Variants in MREG observed in about 807,000 individuals in gnomAD.
MREG encodes melanoregulin.
MREG carries 31 observed loss-of-function variants against 28.5 expected under a neutral mutation model. The observed-to-expected ratio is 1.09, with a 90% CI of 0.82 to 1.47. MREG has a LOEUF of 1.47. MREG is among the 40% of genes most tolerant of loss of function. The probability of loss-of-function intolerance (pLI) is 0.00; values close to 1 mark genes in which losing one functional copy is unlikely to be tolerated. For missense variants in MREG, 256 were observed against 257.4 expected, an observed-to-expected ratio of 0.99 and a Z score of 0.04; for synonymous variants, 106 against 95.2, an observed-to-expected ratio of 1.11 and a Z score of -0.66.
intron 2 of MREG, among the ~76,000 whole-genome samples, chr2:215,987,462 G>A (rs1039910339): frequency 6.6e-6 from 1 of 151,986 alleles, no homozygotes; most frequent in South Asian, 2.1e-4. Flanking sequence ...GGTCAGGCTA[G>A]TCTCAAACTC....
intron 2 of MREG, among the ~76,000 whole-genome samples, chr2:215,968,140 C>A (rs1267382511): frequency 1.3e-5 from 2 of 152,104 alleles, no homozygotes; most frequent in Non-Finnish European, 2.9e-5. Context: ...AGAAAACAGG[C>A]CCAGAGAGGT....
chr2:215,980,511 C>T (rs1234906079), intron 2 of MREG, among the ~76,000 whole-genome samples: 1 of 152,188 alleles, frequency 6.6e-6, no homozygotes, highest in Non-Finnish European at 1.5e-5. Flanking sequence ...GGTTTACATC[C>T]CTCAGGATGA....
At position 215,949,063 on chromosome 2, in the gene MREG, C is replaced by A. The variant is rs187889982; in HGVS notation, c.256-1950G>T. ...ACTACTACTACTACTACTACTACTACTACTACTACTACTACTACTACTACT... is the reference window on the plus strand; with the variant it reads ...ACTACTACTACTACTACTACTACTAATACTACTACTACTACTACTACTACT... On this transcript the variant is annotated intron_variant, in intron 2 of 4. Transcript: ENST00000263268. 2.1e-3 allele frequency among the ~76,000 whole-genome samples: 286 copies of A among 139,178 alleles called. 3 individuals carry two copies. The highest frequency in any genetic ancestry group is 6.2e-3 in the African/African-American group (235 of 38,016). 91.3% of individuals were successfully genotyped at this position (139,178 alleles called of 152,430 possible).
chr2:216,022,118 G>T (rs1009537556), intron 1 of MREG, among the ~76,000 whole-genome samples: 1 of 152,098 alleles, frequency 6.6e-6, no homozygotes, highest in Admixed American at 6.5e-5. Flanking sequence ...GTGGTGGCTG[G>T]CTGGCACCTG....
rs143806765 is a variant in MREG, at chr2:215,975,008, T to TTTTATATATATATATATA, written c.255+21297_255+21298insTATATATATATATATAAA. 2.3e-3 allele frequency among the ~76,000 whole-genome samples: 248 copies of TTTTATATATATATATATA among 106,618 alleles called. 4 individuals are homozygous for TTTTATATATATATATATA. Among genetic ancestry groups the TTTTATATATATATATATA allele is most frequent in the Admixed American group, 3.9e-3 (35 of 8,882 alleles). The allele number at this position is 106,618 out of a possible 152,430, so 69.9% of individuals were successfully genotyped here. A position where few individuals can be genotyped will look rare whatever the true frequency, so the allele number is the denominator to read the frequency against. ...GGGAGAGAATTTTATTTTATATGAATTATATATATATATATATATGAAATA... is the reference window on the plus strand; with the variant it reads ...GGGAGAGAATTTTATTTTATATGAATTTTATATATATATATATATATATATATATATATATATGAAATA... On this transcript the variant is annotated intron_variant, in intron 2 of 4. Transcript: ENST00000263268.
intron 1 of MREG, among the ~76,000 whole-genome samples, chr2:216,030,550 A>ATT (rs538194722): frequency 5.4e-5 from 8 of 148,136 alleles, no homozygotes; most frequent in African/African-American, 2.0e-4. Context: ...ATATTTTGCA[A>ATT]TTTTTTTTTT....
intron 2 of MREG, among the ~76,000 whole-genome samples, chr2:215,996,001 G>A (rs1376539415): frequency 6.6e-6 from 1 of 152,212 alleles, no homozygotes; most frequent in Non-Finnish European, 1.5e-5. Context: ...AAAGATTAGA[G>A]ATGGACGGTT....
At chr2:216,017,868 C>T (rs765644063), upstream of MREG, among the ~76,000 whole-genome samples, 1 of 151,946 alleles carries the variant, frequency 6.6e-6, no homozygotes, top group African/African-American at 2.4e-5. Flanking sequence ...ACTGAAGCTC[C>T]GCCCAGGCAC....
intron 2 of MREG, among the ~76,000 whole-genome samples, chr2:215,979,332 G>A (rs1184430815): frequency 2.6e-5 from 4 of 151,724 alleles, no homozygotes; most frequent in East Asian, 1.9e-4. Context: ...GCATGGTGGC[G>A]CATGCCTGTA....
rs915647492 is a variant in MREG at position 215,943,382 on chromosome 2, G to C, written c.*1481C>G. On this transcript the variant is annotated 3_prime_UTR_variant, in exon 5 of 5. Coordinates refer to ENST00000263268, the MANE Select transcript of MREG (RefSeq NM_018000.3). The stretch of plus-strand genomic sequence containing the variant: ...GAAAATTATCTTCTGAAGAGAAGAA[G>C]GTCCAGCAAAGATCTTCAGTGCAAT... 1 of 456,586 alleles carries C rather than the reference G, an allele frequency of 2.2e-6. No homozygotes were observed. The highest frequency in any genetic ancestry group is 4.4e-6 in the Non-Finnish European group (1 of 226,902). The allele number at this position is 456,586 out of a possible 1,614,324, so 28.3% of individuals were successfully genotyped here.
intron 2 of MREG, among the ~76,000 whole-genome samples, chr2:215,965,263 G>C (rs1422099975): frequency 6.6e-6 from 1 of 152,210 alleles, no homozygotes; most frequent in African/African-American, 2.4e-5. Context: ...ACATTTGCAG[G>C]TTCCTGTGCA....
At chr2:215,996,516 T>C in intron 1 of MREG, 51 bp from the exon 2 acceptor site, 1 of 1,354,196 alleles carries the variant, frequency 7.4e-7, no homozygotes, top group Admixed American at 1.9e-5. Context: ...ACATAAAATG[T>C]TATATGTCAT....
chr2:216,000,044 G>T (rs1390451159), intron 1 of MREG, among the ~76,000 whole-genome samples: 1 of 152,246 alleles, frequency 6.6e-6, no homozygotes, highest in Non-Finnish European at 1.5e-5. Context: ...TCGATAACAT[G>T]AAAGATGCTG....
At chr2:216,017,032 C>T (rs1055823650), upstream of MREG, among the ~76,000 whole-genome samples, 1 of 152,218 alleles carries the variant, frequency 6.6e-6, no homozygotes, top group African/African-American at 2.4e-5. Flanking sequence ...AATCCCCTTT[C>T]TACCTCCACC....
At chr2:215,984,518 C>CAAAAAAAAAAAAAAAAAAAA (rs375220091) in intron 2 of MREG, among the ~76,000 whole-genome samples, 1 of 68,040 alleles carries the variant, frequency 1.5e-5, no homozygotes, top group African/African-American at 6.9e-5. Context: ...ACCTTGTCAC[C>CAAAAAAAAAAAAAAAAAAAA]AAAAAAAAAA....
chr2:215,974,244 G>A (rs1235366766), intron 2 of MREG, among the ~76,000 whole-genome samples: 1 of 152,052 alleles, frequency 6.6e-6, no homozygotes, highest in Admixed American at 6.6e-5. Flanking sequence ...ACAAGTATCC[G>A]GGGACCTGGC....
At chr2:215,982,866 G>A (rs149778709) in intron 2 of MREG, among the ~76,000 whole-genome samples, 360 of 152,250 alleles carry the variant, frequency 2.4e-3, no homozygotes, top group African/African-American at 8.0e-3. Context: ...TTACCGTGAG[G>A]ATTCAGTATT....
At position 215,996,289 on chromosome 2, in the gene MREG, CA is replaced by C; in HGVS notation, c.255+16del. The stretch of plus-strand genomic sequence containing the variant: ...ATAGCATCATCCGCGCACAGCAAGA[CA>C]TCAAAAGGTGCTCACCTCTGAGTCT... On this transcript the variant is annotated intron_variant, in intron 2 of 4. Coordinates refer to ENST00000263268, the MANE Select transcript of MREG (RefSeq NM_018000.3). 1 of 1,610,374 alleles carries C rather than the reference CA, an allele frequency of 6.2e-7. No homozygotes were observed. Among genetic ancestry groups the C allele is most frequent in the Non-Finnish European group, 8.5e-7 (1 of 1,178,836 alleles).
At chr2:215,993,592 T>C (rs1225639887) in intron 2 of MREG, among the ~76,000 whole-genome samples, 1 of 152,198 alleles carries the variant, frequency 6.6e-6, no homozygotes, top group Non-Finnish European at 1.5e-5. Flanking sequence ...AAAGAGCTTC[T>C]GCACAGCAAA....
Sources: gnomAD v4.1 joint callset for allele counts (sites outside exome capture counted in the v4.1 genomes callset) on GRCh38, gnomAD v4.1.1 for gene constraint, MANE v1.5 for transcripts, NCBI Gene and HGNC (gene_info 2026-07-23, HGNC 2026-07-21) for gene names.